RBMS3: variants seen among roughly 807,000 people sequenced by gnomAD.
The protein encoded by RBMS3 is RNA-binding motif, single-stranded-interacting protein 3.
Under a neutral mutation model 66.8 loss-of-function variants are expected in RBMS3, and 27 were observed. The observed-to-expected ratio is 0.40, with a 90% CI of 0.30 to 0.56. The LOEUF (loss-of-function observed/expected upper bound fraction) is 0.56. Ranked by LOEUF, RBMS3 falls within the 20% of genes least tolerant of loss-of-function variation. RBMS3 has a pLI of 0.40. For synonymous variants in RBMS3, 188 were observed against 183.0 expected, an observed-to-expected ratio of 1.03 and a Z score of -0.22; for missense variants, 513 against 549.5, an observed-to-expected ratio of 0.93 and a Z score of 0.66.
Position 29,991,192 on chromosome 3 carries a change from T to G in RBMS3, c.1290T>G (p.Tyr430Ter). 6.2e-7 allele frequency: 1 copy of G among 1,614,180 alleles called. No homozygotes were observed. The highest frequency in any genetic ancestry group is 2.2e-5 in the East Asian group (1 of 44,880). The change falls in exon 14 of 15, where the codon TAT becomes TAG. Residue 430 changes from tyrosine to a stop codon, truncating the protein, a stop_gained. Coordinates refer to ENST00000383767, the MANE Select transcript of RBMS3 (RefSeq NM_001003793.3). LOFTEE classifies it high-confidence loss of function. ...CATCCAACGAACATGCACCTGCATA[T>G]TCTTACCAACAGTCTAAGTAAGTCT... ...VDTSNEHAPA[Y>*]SYQQSKP
At chr3:29,394,944 C>G (rs914658929) in intron 1 of RBMS3, among the ~76,000 whole-genome samples, 2 of 152,230 alleles carry the variant, frequency 1.3e-5, no homozygotes, top group Non-Finnish European at 2.9e-5. Flanking sequence ...TCCTTCCAGA[C>G]TTTGTTCAAA....
intron 2 of RBMS3, among the ~76,000 whole-genome samples, chr3:29,436,735 A>T (rs777542682): frequency 2.0e-5 from 3 of 152,178 alleles, no homozygotes; most frequent in Non-Finnish European, 2.9e-5. Context: ...ACTGGTCTTT[A>T]CCACTTGTAG....
At chr3:29,286,783 T>C (rs926707773) in intron 1 of RBMS3, among the ~76,000 whole-genome samples, 2 of 152,044 alleles carry the variant, frequency 1.3e-5, no homozygotes, top group Admixed American at 6.6e-5. Context: ...CAGAGAGAGT[T>C]CAGTCACAAT....
chr3:29,429,518 A>C (rs1056579856), intron 1 of RBMS3, among the ~76,000 whole-genome samples: 1 of 152,166 alleles, frequency 6.6e-6, no homozygotes, highest in African/African-American at 2.4e-5. Flanking sequence ...CAGCTGCAAG[A>C]GAAATCCTCT....
At chr3:29,473,362 G>C (rs907140377) in intron 2 of RBMS3, among the ~76,000 whole-genome samples, 2 of 152,258 alleles carry the variant, frequency 1.3e-5, no homozygotes, top group Non-Finnish European at 2.9e-5. Flanking sequence ...ACAGAGTATC[G>C]ATTGGTGCAT....
At chr3:29,605,003 T>G in intron 4 of RBMS3, among the ~76,000 whole-genome samples, 1 of 151,952 alleles carries the variant, frequency 6.6e-6, no homozygotes, top group Non-Finnish European at 1.5e-5. Context: ...TATAATGACT[T>G]TCTTTTCTTT....
intron 6 of RBMS3, among the ~76,000 whole-genome samples, chr3:29,774,905 TA>T (rs1451268959): frequency 6.0e-5 from 2 of 33,612 alleles, no homozygotes; most frequent in African/African-American, 8.0e-5. Context: ...TATTTTAAAA[TA>T]AATAAACATC....
At chr3:29,509,636 T>G (rs550524304) in intron 3 of RBMS3, among the ~76,000 whole-genome samples, 1 of 152,318 alleles carries the variant, frequency 6.6e-6, no homozygotes, top group Non-Finnish European at 1.5e-5. Flanking sequence ...GATAAATTCC[T>G]CAAAGCTTTC....
intron 3 of RBMS3, among the ~76,000 whole-genome samples, chr3:29,553,719 C>G (rs2046252413): frequency 6.6e-6 from 1 of 150,962 alleles, no homozygotes; most frequent in African/African-American, 2.4e-5. Flanking sequence ...TTATGAATGT[C>G]TCGATTTGTT....
intron 6 of RBMS3, chr3:29,797,721 TC>T: frequency 6.6e-6 from 1 of 152,312 alleles, no homozygotes; most frequent in East Asian, 1.9e-4. Context: ...ATAATATTAT[TC>T]CTTCTAGGCA....
intron 1 of RBMS3, among the ~76,000 whole-genome samples, chr3:29,386,327 C>T (rs1325411187): frequency 6.6e-6 from 1 of 152,084 alleles, no homozygotes; most frequent in African/African-American, 2.4e-5. Context: ...TGTACATTTT[C>T]TCTCCTTTCT....
At chr3:29,512,400 T>C (rs577743294) in intron 3 of RBMS3, among the ~76,000 whole-genome samples, 11 of 152,266 alleles carry the variant, frequency 7.2e-5, no homozygotes, top group African/African-American at 2.4e-4. Context: ...TAAATTATTA[T>C]CTAGAGATTA....
chr3:29,550,055 A>T (rs1486698309), intron 3 of RBMS3, among the ~76,000 whole-genome samples: 1 of 152,218 alleles, frequency 6.6e-6, no homozygotes, highest in Non-Finnish European at 1.5e-5. Context: ...CCCTTGCTCC[A>T]AAGTAAAATG....
At chr3:29,393,890 T>TA (rs1416534823) in intron 1 of RBMS3, among the ~76,000 whole-genome samples, 1 of 151,906 alleles carries the variant, frequency 6.6e-6, no homozygotes, top group Non-Finnish European at 1.5e-5. Context: ...GAAAGGGCAA[T>TA]AAAAGATCAC....
intron 6 of RBMS3, among the ~76,000 whole-genome samples, chr3:29,775,237 T>G (rs1027950928): frequency 2.1e-5 from 3 of 141,280 alleles, no homozygotes; most frequent in Non-Finnish European, 4.6e-5. Flanking sequence ...GTTCTACCAG[T>G]TTTTTTTTAT....
chr3:29,891,352 A>G (rs556462752), intron 8 of RBMS3, among the ~76,000 whole-genome samples: 2 of 151,716 alleles, frequency 1.3e-5, no homozygotes, highest in East Asian at 1.9e-4. Context: ...AATTAGATCA[A>G]TATCACTTTT....
At chr3:29,632,292 GT>G (rs147842086) in intron 4 of RBMS3, among the ~76,000 whole-genome samples, 10,661 of 151,916 alleles carry the variant, frequency 0.07, 497 homozygotes, top group Middle Eastern at 0.14. Context: ...TTTTTATGTA[GT>G]TATCTTTGTT....
chr3:29,655,711 C>T (rs2050301363), intron 4 of RBMS3, among the ~76,000 whole-genome samples: 1 of 152,032 alleles, frequency 6.6e-6, no homozygotes, highest in African/African-American at 2.4e-5. Flanking sequence ...TTAGAATGTA[C>T]CACTTCTACT....
At position 29,296,828 on chromosome 3, in the gene RBMS3, T is replaced by C. The variant is rs376611550; in HGVS notation, c.75+15072T>C. On this transcript the variant is annotated intron_variant, in intron 1 of 14. Transcript: ENST00000383767. ...CCAAGTTTGATGGCCAAATCTCACATGCTTTGGAAACTCAGGGAGTTTTTC... is the reference window on the plus strand; with the variant it reads ...CCAAGTTTGATGGCCAAATCTCACACGCTTTGGAAACTCAGGGAGTTTTTC... Among the ~76,000 whole-genome samples, 524 of 151,782 alleles carry C rather than the reference T, an allele frequency of 3.5e-3. 4 individuals are homozygous for C. Among genetic ancestry groups the C allele is most frequent in the African/African-American group, 0.012 (491 of 41,462 alleles).
Sources: allele counts gnomAD v4.1 joint callset (sites outside exome capture counted in the v4.1 genomes callset), GRCh38; gene constraint gnomAD v4.1.1; transcripts MANE v1.5; gene names NCBI Gene and HGNC (gene_info 2026-07-23, HGNC 2026-07-21).